The following SPDEF variants were observed in gnomAD, a reference collection of about 807,000 sequenced individuals.
SPDEF encodes the protein SAM pointed domain-containing Ets transcription factor.
SPDEF carries 12 observed loss-of-function variants against 36.0 expected under a neutral mutation model. That is an observed-to-expected ratio of 0.33 (90% CI 0.21 to 0.54). The LOEUF is 0.54. Among genes scored for constraint, SPDEF ranks in the 20% least tolerant of loss-of-function variants. The pLI is 0.93. For missense variants in SPDEF, 388 were observed against 456.9 expected, an observed-to-expected ratio of 0.85 and a Z score of 1.37; for synonymous variants, 205 against 193.0, an observed-to-expected ratio of 1.06 and a Z score of -0.51.
Position 34,539,466 on chromosome 6 carries a change from C to T in SPDEF, c.682+49G>A. 6.2e-7 allele frequency: 1 copy of T among 1,605,382 alleles called. No homozygotes were observed. The highest frequency in any genetic ancestry group is 1.3e-5 in the African/African-American group (1 of 74,866). ...GTCCCGGCTTCATTGGCAGCCACCC[C>T]TCCACCCCACCCGAGCCCCCGCCTC... On this transcript the variant is annotated intron_variant, in intron 4 of 5. Coordinates refer to ENST00000374037, the MANE Select transcript of SPDEF (RefSeq NM_012391.3). The surrounding 1 kb of genome is among the most constrained non-coding windows in gnomAD (Gnocchi z 5.2).
At position 34,539,279 on chromosome 6, in the gene SPDEF, C is replaced by T. The variant is rs781219802; in HGVS notation, c.800G>A (p.Arg267His). The change falls in exon 5 of 6, where the codon CGC becomes CAC. Residue 267 changes from arginine to histidine, a missense_variant. Arg to His is a conservative substitution (Grantham distance 29). Around this residue, in one of 2 missense-constraint regions of SPDEF, gnomAD observed 80 missense variants for 130.8 expected, o/e 0.61. Transcript: ENST00000374037. This position sits in a 1 kb window ranked among gnomAD's most constrained non-coding sequence, Gnocchi z 5.2. ...CTCCTTGTTGAGCCACCTAATGAAG[C>T]GGCCATAGCTGTGGGGCTTGAGTAG... ...ELLLKPHSYG[R>H]FIRWLNKEKG... The T allele has an allele frequency of 9.3e-6, 15 of 1,613,896 alleles. No homozygotes were observed. The highest frequency in any genetic ancestry group is 1.3e-5 in the African/African-American group (1 of 75,042).
chr6:34,548,328 C>T lies in SPDEF; in HGVS notation c.-29-3844G>A, dbSNP rs760716659. Among the ~76,000 whole-genome samples the T allele has an allele frequency of 6.6e-4, 100 of 152,246 alleles. No individual in the cohort carries two copies. In the Middle Eastern group the frequency reaches 0.01, roughly 16 times the overall value. ...CAGTCCCATCTTCCTAGGGGATCTG[C>T]CCACCTCCTGACTGGGCTCCTTGAT... On this transcript the variant is annotated intron_variant, in intron 1 of 5. Coordinates refer to ENST00000374037, the MANE Select transcript of SPDEF (RefSeq NM_012391.3).
intron 1 of SPDEF, among the ~76,000 whole-genome samples, chr6:34,546,704 G>A (rs545339757): frequency 8.5e-5 from 13 of 152,136 alleles, no homozygotes; most frequent in South Asian, 4.2e-4. Flanking sequence ...AATGCCAGCA[G>A]GAGGGAAGGG....
intron 1 of SPDEF, among the ~76,000 whole-genome samples, chr6:34,550,522 G>A (rs1768037601): frequency 6.6e-6 from 1 of 152,226 alleles, no homozygotes; most frequent in African/African-American, 2.4e-5. Flanking sequence ...GTGACTGAGT[G>A]AGAGAGATCT....
rs769067159 is a variant in SPDEF at position 34,539,105 on chromosome 6, G to C, written c.829+145C>G. The C allele has an allele frequency of 2.2e-6, 2 of 910,264 alleles. No individual in the cohort carries two copies. Among genetic ancestry groups the C allele is most frequent in the East Asian group, 2.4e-5 (1 of 41,438 alleles). 56.4% of individuals were successfully genotyped at this position (910,264 alleles called of 1,614,324 possible). A position where few individuals can be genotyped will look rare whatever the true frequency, so the allele number is the denominator to read the frequency against. The stretch of plus-strand genomic sequence containing the variant: ...CACAGACCCCAGGGCTGTCCCATGA[G>C]AGCTGCATATTTGGCATCTAGGACA... On this transcript the variant is annotated intron_variant, in intron 5 of 5. Transcript: ENST00000374037. This position sits in a 1 kb window ranked among gnomAD's most constrained non-coding sequence, Gnocchi z 5.2.
At chr6:34,542,886 C>CAAA (rs758431726) in intron 2 of SPDEF, among the ~76,000 whole-genome samples, 3,351 of 53,404 alleles carry the variant, frequency 0.063, 146 homozygotes, top group African/African-American at 0.14. Context: ...GAGACCCTGT[C>CAAA]AAAAAAAAAA....
At chr6:34,547,801 C>T (rs553803284) in intron 1 of SPDEF, among the ~76,000 whole-genome samples, 3 of 152,282 alleles carry the variant, frequency 2.0e-5, no homozygotes, top group Admixed American at 6.5e-5. Flanking sequence ...TTGACCTTGC[C>T]CTATACCTAA....
Position 34,537,908 on chromosome 6 carries a change from A to T in SPDEF, c.*366T>A. On this transcript the variant is annotated 3_prime_UTR_variant, in exon 6 of 6. Transcript: ENST00000374037. ...CATGCCAGGTGTGGTGCAGAATGGG[A>T]GGCAGGGGGATGGAGCAGAGAGAGG... 4 of 209,018 alleles carry T rather than the reference A, an allele frequency of 1.9e-5. No homozygotes were observed. Among genetic ancestry groups the T allele is most frequent in the Middle Eastern group, 1.8e-3 (1 of 552 alleles). The allele number at this position is 209,018 out of a possible 1,614,324, so 12.9% of individuals were successfully genotyped here.
In SPDEF at chr6:34,544,721, A is replaced by G. The variant is rs1056706443; in HGVS notation, c.-29-237T>C. On this transcript the variant is annotated intron_variant, in intron 1 of 5. Coordinates refer to ENST00000374037, the MANE Select transcript of SPDEF (RefSeq NM_012391.3). The surrounding 1 kb of genome is among the most constrained non-coding windows in gnomAD (Gnocchi z 4.4). Reference sequence around the variant, plus strand: ...AAATAGATCGCTCCCTCAATCCCCAAGGAAGCCAGGCTGGCTGGGAGCAGC... The same window carrying G: ...AAATAGATCGCTCCCTCAATCCCCAGGGAAGCCAGGCTGGCTGGGAGCAGC... 6.6e-6 allele frequency among the ~76,000 whole-genome samples: 1 copy of G among 152,208 alleles called. No homozygotes were observed. Among genetic ancestry groups the G allele is most frequent in the Non-Finnish European group, 1.5e-5 (1 of 68,030 alleles).
At chr6:34,541,882 G>T (rs1226842979) in intron 2 of SPDEF, among the ~76,000 whole-genome samples, 1 of 152,210 alleles carries the variant, frequency 6.6e-6, no homozygotes, top group Non-Finnish European at 1.5e-5. Context: ...GCCTATAGGT[G>T]GGGGATAGGC....
Position 34,538,174 on chromosome 6 carries a change from A to C in SPDEF, c.*100T>G. Reference sequence around the variant, plus strand: ...TTGGGCTCTGGAAGGTCAGAGCAGCAGAGCAGACTGCCCGTTTTCCCCCAT... The same window carrying C: ...TTGGGCTCTGGAAGGTCAGAGCAGCCGAGCAGACTGCCCGTTTTCCCCCAT... On this transcript the variant is annotated 3_prime_UTR_variant, in exon 6 of 6. Coordinates refer to ENST00000374037, the MANE Select transcript of SPDEF (RefSeq NM_012391.3). This position sits in a 1 kb window ranked among gnomAD's most constrained non-coding sequence, Gnocchi z 5.9. 7.5e-7 allele frequency: 1 copy of C among 1,331,326 alleles called. No individual in the cohort carries two copies. The highest frequency in any genetic ancestry group is 1.0e-6 in the Non-Finnish European group (1 of 957,108). 82.5% of individuals were successfully genotyped at this position (1,331,326 alleles called of 1,614,324 possible).
rs1479008353 is a variant in SPDEF, at chr6:34,555,497, C to A, written c.-30+432G>T. On this transcript the variant is annotated intron_variant, in intron 1 of 5. Coordinates refer to ENST00000374037, the MANE Select transcript of SPDEF (RefSeq NM_012391.3). This position sits in a 1 kb window ranked among gnomAD's most constrained non-coding sequence, Gnocchi z 5.2. Reference sequence around the variant, plus strand: ...CCCATCAAGCTCCAGCAAGCCCCTGCCCACTGGTGGCCTGGCACCAGGGAG... The same window carrying A: ...CCCATCAAGCTCCAGCAAGCCCCTGACCACTGGTGGCCTGGCACCAGGGAG... Among the ~76,000 whole-genome samples the A allele has an allele frequency of 6.6e-6, 1 of 152,206 alleles. No individual in the cohort carries two copies. Among genetic ancestry groups the A allele is most frequent in the Non-Finnish European group, 1.5e-5 (1 of 68,036 alleles).
intron 1 of SPDEF, among the ~76,000 whole-genome samples, chr6:34,548,762 T>C (rs1486580084): frequency 6.6e-6 from 1 of 152,120 alleles, no homozygotes; most frequent in Non-Finnish European, 1.5e-5. Context: ...TCACAATTCA[T>C]CCCAAAGCCC....
Position 34,554,566 on chromosome 6 carries a change from C to T in SPDEF, c.-30+1363G>A, listed in dbSNP as rs979202970. Among the ~76,000 whole-genome samples the T allele has an allele frequency of 2.6e-5, 4 of 152,078 alleles. No homozygotes were observed. The South Asian group carries it at 6.2e-4, about 24-fold the overall frequency. ...CTCAAAGGCGAGGGTGGGTCCCCTA[C>T]GCAGTGAGACCACCTCCTCCACACA... On this transcript the variant is annotated intron_variant, in intron 1 of 5. Transcript: ENST00000374037.
At chr6:34,545,481 T>C (rs1767931824) in intron 1 of SPDEF, among the ~76,000 whole-genome samples, 1 of 152,244 alleles carries the variant, frequency 6.6e-6, no homozygotes, top group Non-Finnish European at 1.5e-5. Flanking sequence ...GGCTTGGTTT[T>C]GCCCAGGCCC....
rs747628808 is a variant in SPDEF, at chr6:34,538,307, C to G, written c.975G>C (p.Gln325His). 1.9e-6 allele frequency: 3 copies of G among 1,614,124 alleles called. No individual in the cohort carries two copies. In the Admixed American group the frequency reaches 5.0e-5, roughly 27 times the overall value. ...KGIIRKPDISQRLVYQFVHPI is the reference protein window; with the variant it reads ...KGIIRKPDISHRLVYQFVHPI ...GGTGCACGAACTGGTAGACGAGGCG[C>G]TGGGAGATGTCTGGCTTCCGGATGA... is the stretch of plus-strand genomic sequence containing the variant. Residue 325 changes from glutamine (Q) to histidine (H), a missense_variant, in exon 6 of 6, where the codon CAG becomes CAC. Gln to His is a conservative substitution (Grantham distance 24). This residue lies in a region of SPDEF where 80 missense variants were observed against 130.8 expected (regional missense o/e 0.61). Transcript: ENST00000374037. This position sits in a 1 kb window ranked among gnomAD's most constrained non-coding sequence, Gnocchi z 5.9.
At position 34,552,024 on chromosome 6, in the gene SPDEF, C is replaced by T. The variant is rs1460892499; in HGVS notation, c.-30+3905G>A. Among the ~76,000 whole-genome samples, 1 of 152,148 alleles carries T rather than the reference C, an allele frequency of 6.6e-6. No homozygotes were observed. Among genetic ancestry groups the T allele is most frequent in the African/African-American group, 2.4e-5 (1 of 41,420 alleles). On this transcript the variant is annotated intron_variant, in intron 1 of 5. Coordinates refer to ENST00000374037, the MANE Select transcript of SPDEF (RefSeq NM_012391.3). The surrounding 1 kb of genome is among the most constrained non-coding windows in gnomAD (Gnocchi z 4.6). The stretch of plus-strand genomic sequence containing the variant: ...ATAAATACATTTCACTTCTCAGTGC[C>T]CCCGTCAGGCCTCTTAGCCACACCA...
rs547625492 is a variant in SPDEF at position 34,538,632 on chromosome 6, G to A, written c.830-180C>T. 9.2e-5 allele frequency among the ~76,000 whole-genome samples: 14 copies of A among 152,256 alleles called. No individual in the cohort carries two copies. The East Asian group carries it at 1.7e-3, about 19-fold the overall frequency. ...CCTACTCCCAAGGTGTAGTTGCGGTGAGGTTAAAGAGACGTGTGCAAAGCA... is the reference window on the plus strand; with the variant it reads ...CCTACTCCCAAGGTGTAGTTGCGGTAAGGTTAAAGAGACGTGTGCAAAGCA... On this transcript the variant is annotated intron_variant, in intron 5 of 5. Transcript: ENST00000374037. The surrounding 1 kb of genome is among the most constrained non-coding windows in gnomAD (Gnocchi z 5.9).
At chr6:34,548,713 C>T (rs1279560112) in intron 1 of SPDEF, among the ~76,000 whole-genome samples, 1 of 152,180 alleles carries the variant, frequency 6.6e-6, no homozygotes, top group South Asian at 2.1e-4. Context: ...GTGCTGTGGG[C>T]ACAACATGGC....
Sources: gnomAD v4.1 joint callset for allele counts (sites outside exome capture counted in the v4.1 genomes callset) on GRCh38, gnomAD v4.1.1 for gene constraint, gnomAD v4.1.1 regional missense constraint, Gnocchi (gnomAD v3.1) non-coding constraint, MANE v1.5 for transcripts, NCBI Gene and HGNC (gene_info 2026-07-23, HGNC 2026-07-21) for gene names.